The following C9 variants were observed in gnomAD, a reference collection of about 807,000 sequenced individuals.
C9 encodes complement component C9.
A neutral mutation model predicts 65.4 loss-of-function variants in C9; 63 were observed. The observed-to-expected ratio is 0.96, with a 90% confidence interval of 0.79 to 1.19. C9 has a LOEUF of 1.19. Ranked by LOEUF, C9 falls within the 50% of genes most tolerant of loss-of-function variation. The pLI is 0.00. For missense variants in C9, 744 were observed against 670.1 expected, an observed-to-expected ratio of 1.11 and a Z score of -1.22; for synonymous variants, 229 against 227.9, an observed-to-expected ratio of 1.00 and a Z score of -0.04.
At chr5:39,347,943 G>T (rs950133939) in intron 1 of C9, among the ~76,000 whole-genome samples, 5 of 143,570 alleles carry the variant, frequency 3.5e-5, no homozygotes, top group Admixed American at 7.1e-5. Flanking sequence ...TTAATAAATG[G>T]TGCTGGGAAA....
At chr5:39,295,194 A>G (rs544953107) in intron 9 of C9, among the ~76,000 whole-genome samples, 1 of 152,022 alleles carries the variant, frequency 6.6e-6, no homozygotes, top group Admixed American at 6.6e-5. Flanking sequence ...ATAGTACTGG[A>G]AATCCGAGCC....
chr5:39,291,443 A>G (rs977955711), intron 9 of C9, among the ~76,000 whole-genome samples: 6 of 151,866 alleles, frequency 4.0e-5, no homozygotes, highest in African/African-American at 1.2e-4. Context: ...ATAGTGTGGG[A>G]AGGGAAAAGA....
intron 4 of C9, among the ~76,000 whole-genome samples, chr5:39,334,682 C>T (rs1478134716): frequency 2.0e-5 from 3 of 150,526 alleles, no homozygotes; most frequent in Non-Finnish European, 4.4e-5. Flanking sequence ...CCGCCCAGTC[C>T]GGGAGGGAGG....
intron 5 of C9, among the ~76,000 whole-genome samples, chr5:39,323,162 T>C (rs1339952703): frequency 6.6e-6 from 1 of 151,996 alleles, no homozygotes; most frequent in Admixed American, 6.6e-5. Context: ...AAAGATTGAA[T>C]CAGTACTACA....
chr5:39,326,047 G>T (rs1442364638), intron 5 of C9, among the ~76,000 whole-genome samples: 6 of 151,688 alleles, frequency 4.0e-5, no homozygotes, highest in African/African-American at 7.3e-5. Context: ...TTTGTGTGGG[G>T]TTTTTTTTCT....
At position 39,344,698 on chromosome 5, in the gene C9, G is replaced by A. The variant is rs188865435; in HGVS notation, c.78-2502C>T. 5.0e-4 allele frequency among the ~76,000 whole-genome samples: 76 copies of A among 152,210 alleles called. 1 individual carries two copies. Among genetic ancestry groups the A allele is most frequent in the African/African-American group, 1.8e-3 (73 of 41,530 alleles). ...GCCACAAAGATACTCCTCGAGAAGA[G>A]CAACTCCAAGACACATAATTGTCAG... On this transcript the variant is annotated intron_variant, in intron 1 of 10. Coordinates refer to ENST00000263408, the MANE Select transcript of C9 (RefSeq NM_001737.5).
intron 4 of C9, among the ~76,000 whole-genome samples, chr5:39,337,455 T>A (rs1396600547): frequency 6.6e-6 from 1 of 152,042 alleles, no homozygotes; most frequent in Non-Finnish European, 1.5e-5. Context: ...AATAAGCCAA[T>A]TTTTTCTGCC....
intron 9 of C9, among the ~76,000 whole-genome samples, chr5:39,292,416 CT>C (rs200735826): frequency 4.5e-4 from 67 of 150,346 alleles, no homozygotes; most frequent in African/African-American, 1.6e-3. Flanking sequence ...GAAAAAAATA[CT>C]TTTTTTTTCA....
At chr5:39,288,649 G>T in intron 10 of C9, 74 bp downstream of exon 10, 1 of 791,572 alleles carries the variant, frequency 1.3e-6, no homozygotes, top group Non-Finnish European at 2.3e-6. Flanking sequence ...ATTAATTCAA[G>T]AGCTAGTTTT....
chr5:39,346,973 C>G (rs993027602), intron 1 of C9, among the ~76,000 whole-genome samples: 2 of 152,092 alleles, frequency 1.3e-5, no homozygotes, highest in Non-Finnish European at 2.9e-5. Context: ...ATTCAACAGC[C>G]CTTCATGCTA....
intron 5 of C9, 103 bp from the exon 6 acceptor site, chr5:39,316,132 G>T: frequency 1.0e-6 from 1 of 971,770 alleles, no homozygotes; most frequent in Non-Finnish European, 1.5e-6. Flanking sequence ...TTGAAAGGCA[G>T]TAGAACAAAG....
At chr5:39,362,292 A>G (rs1754535520) in intron 1 of C9, among the ~76,000 whole-genome samples, 1 of 152,196 alleles carries the variant, frequency 6.6e-6, no homozygotes, top group African/African-American at 2.4e-5. Flanking sequence ...ATCCAATATG[A>G]CTGGTGTCCT....
chr5:39,332,344 C>G, intron 4 of C9, among the ~76,000 whole-genome samples: 1 of 152,168 alleles, frequency 6.6e-6, no homozygotes, highest in Non-Finnish European at 1.5e-5. Context: ...TCATTCCCTC[C>G]AGGCTTATAT....
intron 5 of C9, among the ~76,000 whole-genome samples, chr5:39,317,117 A>T (rs1244298334): frequency 6.6e-6 from 1 of 151,862 alleles, no homozygotes; most frequent in East Asian, 1.9e-4. Context: ...GCTTTTTTTC[A>T]TATGTTTGTT....
intron 1 of C9, among the ~76,000 whole-genome samples, chr5:39,358,841 C>A (rs945488268): frequency 6.6e-6 from 1 of 151,050 alleles, no homozygotes; most frequent in Admixed American, 6.6e-5. Context: ...AAAAATTAGC[C>A]GGGCGTGGTG....
At chr5:39,351,185 T>C (rs920176991) in intron 1 of C9, among the ~76,000 whole-genome samples, 4 of 152,314 alleles carry the variant, frequency 2.6e-5, no homozygotes, top group African/African-American at 9.6e-5. Flanking sequence ...GCAGCTGTGA[T>C]GCAGGGTGTC....
rs948054908 is a variant in C9, at chr5:39,284,266, C to T, written c.*933G>A. The T allele has an allele frequency of 1.3e-5, 2 of 151,362 alleles. No homozygotes were observed. Among genetic ancestry groups the T allele is most frequent in the Admixed American group, 1.3e-4 (2 of 15,184 alleles). 9.4% of individuals were successfully genotyped at this position (151,362 alleles called of 1,614,324 possible). On this transcript the variant is annotated 3_prime_UTR_variant, in exon 11 of 11. Coordinates refer to ENST00000263408, the MANE Select transcript of C9 (RefSeq NM_001737.5). The stretch of plus-strand genomic sequence containing the variant: ...TATTTTGATATATTTTTCCTCTTTT[C>T]TTTCTTTCTTTCCTTTTTTTAAAGA...
chr5:39,351,694 G>A (rs924340267), intron 1 of C9, among the ~76,000 whole-genome samples: 29 of 152,110 alleles, frequency 1.9e-4, no homozygotes, highest in African/African-American at 6.8e-4. Context: ...TTCCCAATAA[G>A]TTCCTCATCT....
Position 39,331,747 on chromosome 5 carries a change from TAC to T in C9, c.542_543del (p.Cys181Ter), listed in dbSNP as rs749854160. Reference sequence around the variant, plus strand: ...AGAGTGTTTCCATCCCGATCCCGGTTACAGAGTCCATTGTAGAACTCATTGTC... The same window carrying T: ...AGAGTGTTTCCATCCCGATCCCGGTTAGAGTCCATTGTAGAACTCATTGTC... Reference protein sequence around the residue: ...PFDNEFYNGLCNRDRDGNTLT... With the variant: ...PFDNEFYNGLXNRDRDGNTLT... On this transcript the variant is annotated frameshift_variant, in exon 5 of 11. Transcript: ENST00000263408. LOFTEE classifies it high-confidence loss of function. The T allele has an allele frequency of 1.7e-5, 28 of 1,613,192 alleles. No homozygotes were observed. The highest frequency in any genetic ancestry group is 2.2e-5 in the Non-Finnish European group (26 of 1,179,216).
Sources: gnomAD v4.1 joint callset for allele counts (sites outside exome capture counted in the v4.1 genomes callset) on GRCh38, gnomAD v4.1.1 for gene constraint, MANE v1.5 for transcripts, NCBI Gene and HGNC (gene_info 2026-07-23, HGNC 2026-07-21) for gene names.